PCDH1: variants seen among roughly 807,000 people sequenced by gnomAD.
The protein encoded by PCDH1 is protocadherin 1.
PCDH1 carries 23 observed loss-of-function variants against 74.6 expected under a neutral mutation model. That is an observed-to-expected ratio of 0.31 (90% CI 0.22 to 0.44). The LOEUF is 0.44. Among genes scored for constraint, PCDH1 ranks in the 20% least tolerant of loss-of-function variants. The pLI, the probability that PCDH1 is intolerant of heterozygous loss-of-function variation, is 1.00. For missense variants in PCDH1, 1,214 were observed against 1,641.4 expected, an observed-to-expected ratio of 0.74 and a Z score of 4.50; for synonymous variants, 647 against 686.1, an observed-to-expected ratio of 0.94 and a Z score of 0.89.
chr5:141,868,609 T>C lies in PCDH1; in HGVS notation c.863A>G (p.Glu288Gly), dbSNP rs751869800. 4.2e-5 allele frequency: 66 copies of C among 1,577,088 alleles called. No individual in the cohort carries two copies. Among genetic ancestry groups the C allele is most frequent in the Non-Finnish European group, 5.5e-5 (64 of 1,161,208 alleles). Residue 288 changes from glutamate (E) to glycine (G), a missense_variant, in exon 2 of 5, where the codon GAA becomes GGA. By Grantham distance (98) the Glu-to-Gly change is moderately conservative (BLOSUM62 -2). This residue lies in a region of PCDH1 where 836 missense variants were observed against 1,182.2 expected (regional missense o/e 0.71). Coordinates refer to ENST00000287008, the MANE Select transcript of PCDH1 (RefSeq NM_032420.5). This position sits in a 1 kb window ranked among gnomAD's most constrained non-coding sequence, Gnocchi z 4.8. ...PKFERPSYEA[E>G]LSENSPIGHS... ...GCCTATGGGGCTATTCTCAGATAGT[T>C]CGGCCTCATAGGAGGGCCGCTCAAA...
rs116300341 is a variant in PCDH1, at chr5:141,866,127, G to T, written c.904-700C>A. ...TTTCTTTTGAAAGAAGTCAGGTAGG[G>T]TTGTGGGTCAGAGAAGCCCTCCAGG... On this transcript the variant is annotated intron_variant, in intron 2 of 4. Transcript: ENST00000287008. 2,207 of 985,526 alleles carry T rather than the reference G, an allele frequency of 2.2e-3. 43 individuals carry two copies. The African/African-American group carries it at 0.036, about 16-fold the overall frequency. The allele number at this position is 985,526 out of a possible 1,614,324, so 61.0% of individuals were successfully genotyped here.
intron 4 of PCDH1, among the ~76,000 whole-genome samples, chr5:141,855,891 A>G (rs1005993804): frequency 3.9e-5 from 6 of 152,022 alleles, no homozygotes; most frequent in Non-Finnish European, 7.4e-5. Context: ...CGGCTGGGCC[A>G]TGAGTACTTC....
intron 3 of PCDH1, among the ~76,000 whole-genome samples, chr5:141,861,850 G>A (rs1433532876): frequency 6.6e-6 from 1 of 152,032 alleles, no homozygotes; most frequent in Non-Finnish European, 1.5e-5. Context: ...AGAGCAAGAA[G>A]TGAGAGATGG....
In PCDH1 at chr5:141,863,173, G is replaced by A. The variant is rs760492715; in HGVS notation, c.3099+59C>T. ...TCACTCCCACACCTCGGTCCAGATG[G>A]CTCCGTGGTAGGGGTGGGGTAGGGG... On this transcript the variant is annotated intron_variant, in intron 3 of 4. Transcript: ENST00000287008. The surrounding 1 kb of genome is among the most constrained non-coding windows in gnomAD (Gnocchi z 7.5). 18 of 1,510,536 alleles carry A rather than the reference G, an allele frequency of 1.2e-5. No individual in the cohort carries two copies. The African/African-American group carries it at 2.1e-4, about 17-fold the overall frequency. 93.6% of individuals were successfully genotyped at this position (1,510,536 alleles called of 1,614,324 possible).
At chr5:141,856,135 C>T in intron 4 of PCDH1, 1 of 1,295,484 alleles carries the variant, frequency 7.7e-7, no homozygotes, top group Non-Finnish European at 1.1e-6. Flanking sequence ...CGCAACATGG[C>T]TCAGAGCAGA....
Position 141,854,395 on chromosome 5 carries a change from T to G in PCDH1, c.3361A>C (p.Thr1121Pro). 6.2e-7 allele frequency: 1 copy of G among 1,612,880 alleles called. No individual in the cohort carries two copies. The highest frequency in any genetic ancestry group is 1.1e-5 in the South Asian group (1 of 91,014). Reference protein sequence around the residue: ...LPDVAMTGTCTRECSEFGHSD... With the variant: ...LPDVAMTGTCPRECSEFGHSD... ...TGGCCAAACTCACTGCACTCCCGGG[T>G]ACATGTGCCTGTCATGGCGACATCA... The change falls in exon 5 of 5, where the codon ACC (threonine) becomes CCC (proline). Residue 1121 changes from threonine (T) to proline (P), a missense_variant. This residue lies in a region of PCDH1 where 194 missense variants were observed against 198.3 expected (regional missense o/e 0.98). Coordinates refer to ENST00000287008, the MANE Select transcript of PCDH1 (RefSeq NM_032420.5).
rs1752550093 is a variant in PCDH1 at position 141,861,172 on chromosome 5, TG to T, written c.3099+2059del. Among the ~76,000 whole-genome samples the T allele has an allele frequency of 2.0e-5, 3 of 149,406 alleles. No individual in the cohort carries two copies. In the South Asian group the frequency reaches 6.4e-4, roughly 32 times the overall value. On this transcript the variant is annotated intron_variant, in intron 3 of 4. Coordinates refer to ENST00000287008, the MANE Select transcript of PCDH1 (RefSeq NM_032420.5). Reference sequence around the variant, plus strand: ...AGCAGTAGCAGTAGAAGTAGTTTCATGGAATAAGTTGGGAAAAGCTTTAGTA... The same window carrying T: ...AGCAGTAGCAGTAGAAGTAGTTTCATGAATAAGTTGGGAAAAGCTTTAGTA...
In PCDH1 at chr5:141,868,437, T is replaced by C. The variant is rs974223257; in HGVS notation, c.903+132A>G. 25 of 1,430,328 alleles carry C rather than the reference T, an allele frequency of 1.7e-5. No homozygotes were observed. Among genetic ancestry groups the C allele is most frequent in the Middle Eastern group, 2.4e-4 (1 of 4,168 alleles). The allele number at this position is 1,430,328 out of a possible 1,614,324, so 88.6% of individuals were successfully genotyped here. A position where few individuals can be genotyped will look rare whatever the true frequency, so the allele number is the denominator to read the frequency against. ...GTGGGAAAGACTCCCCTGGCTGAGT[T>C]TGGGGAGAAGGGGTCTCACTACAGT... is the stretch of plus-strand genomic sequence containing the variant. On this transcript the variant is annotated intron_variant, in intron 2 of 4. Transcript: ENST00000287008. The surrounding 1 kb of genome is among the most constrained non-coding windows in gnomAD (Gnocchi z 4.8).
Position 141,877,396 on chromosome 5 carries a change from G to T in PCDH1, c.40+827C>A, listed in dbSNP as rs1000416037. Among the ~76,000 whole-genome samples, 3 of 152,174 alleles carry T rather than the reference G, an allele frequency of 2.0e-5. No individual in the cohort carries two copies. In the South Asian group the frequency reaches 6.2e-4, roughly 31 times the overall value. ...AGAGGGGTGCAAGGAGACCTGTGCT[G>T]TGTACCTATGTTCTGGCCAAGAAGT... On this transcript the variant is annotated intron_variant, in intron 1 of 4. Coordinates refer to ENST00000287008, the MANE Select transcript of PCDH1 (RefSeq NM_032420.5).
In PCDH1 at chr5:141,854,233, G is replaced by A. The variant is rs779910631; in HGVS notation, c.3523C>T (p.Pro1175Ser). Residue 1175 changes from proline (P) to serine (S), a missense_variant, in exon 5 of 5, where the codon CCG (proline) becomes TCG (serine). Pro to Ser is a moderately conservative substitution (Grantham distance 74). Around this residue, in one of 4 missense-constraint regions of PCDH1, gnomAD observed 194 missense variants for 198.3 expected, o/e 0.98. Transcript: ENST00000287008. Reference protein sequence around the residue: ...EPAGAGSPSPPEDRNTKTAPV... With the variant: ...EPAGAGSPSPSEDRNTKTAPV... ...GCCGTTTTGGTGTTCCGGTCTTCCGGGGGGCTGGGGCTGCCGGCGCCCGCA... is the reference window on the plus strand; with the variant it reads ...GCCGTTTTGGTGTTCCGGTCTTCCGAGGGGCTGGGGCTGCCGGCGCCCGCA... 2.2e-5 allele frequency: 35 copies of A among 1,611,732 alleles called. No individual in the cohort carries two copies. Among genetic ancestry groups the A allele is most frequent in the Middle Eastern group, 1.6e-4 (1 of 6,066 alleles).
chr5:141,869,435 C>G lies in PCDH1; in HGVS notation c.41-4G>C. On this transcript the variant is annotated splice_region_variant and splice_polypyrimidine_tract_variant and intron_variant, in intron 1 of 4. Coordinates refer to ENST00000287008, the MANE Select transcript of PCDH1 (RefSeq NM_032420.5). The surrounding 1 kb of genome is among the most constrained non-coding windows in gnomAD (Gnocchi z 4.9). ...GGAGGCCCCAGAATCAGGAGGGCTGCAAGGGGAAGAGGCAAAACAGAGGCC... is the reference window on the plus strand; with the variant it reads ...GGAGGCCCCAGAATCAGGAGGGCTGGAAGGGGAAGAGGCAAAACAGAGGCC... The G allele has an allele frequency of 6.3e-7, 1 of 1,596,220 alleles. No homozygotes were observed. Among genetic ancestry groups the G allele is most frequent in the South Asian group, 1.1e-5 (1 of 89,756 alleles).
chr5:141,859,512 C>T (rs373127709), intron 3 of PCDH1, among the ~76,000 whole-genome samples: 23 of 152,284 alleles, frequency 1.5e-4, no homozygotes, highest in African/African-American at 4.1e-4. Context: ...CCTACTGGCC[C>T]TTAAGATTCA....
At chr5:141,860,610 C>T (rs1243331821) in intron 3 of PCDH1, among the ~76,000 whole-genome samples, 1 of 151,908 alleles carries the variant, frequency 6.6e-6, no homozygotes, top group Non-Finnish European at 1.5e-5. Context: ...ACTACCAAAA[C>T]TAACTTCACC....
intron 1 of PCDH1, among the ~76,000 whole-genome samples, chr5:141,870,509 G>T (rs1272650961): frequency 6.6e-6 from 1 of 152,116 alleles, no homozygotes; most frequent in Non-Finnish European, 1.5e-5. Context: ...CGATGATAAT[G>T]ACACCAGCAG....
At position 141,863,313 on chromosome 5, in the gene PCDH1, G is replaced by A. The variant is rs774793584; in HGVS notation, c.3018C>T (p.Thr1006=). ...CAGAGCCCGTGGACGTGGTGTCCCCGGTGCCCACGAATGTGTTTGCAGGTG... is the reference window on the plus strand; with the variant it reads ...CAGAGCCCGTGGACGTGGTGTCCCCAGTGCCCACGAATGTGTTTGCAGGTG... The part of the protein sequence containing the change: ...DLPPANTFVG[T]GDTTSTGSEQ... The change falls in exon 3 of 5, where the codon ACC becomes ACT. Residue 1006 remains threonine (T), a synonymous_variant. Coordinates refer to ENST00000287008, the MANE Select transcript of PCDH1 (RefSeq NM_032420.5). The surrounding 1 kb of genome is among the most constrained non-coding windows in gnomAD (Gnocchi z 7.5). The A allele has an allele frequency of 1.3e-5, 21 of 1,556,662 alleles. No homozygotes were observed. Among genetic ancestry groups the A allele is most frequent in the South Asian group, 2.5e-5 (2 of 81,566 alleles).
Position 141,878,292 on chromosome 5 carries a change from G to A in PCDH1, c.-30C>T. 8.1e-7 allele frequency: 1 copy of A among 1,237,320 alleles called. No individual in the cohort carries two copies. The highest frequency in any genetic ancestry group is 3.0e-5 in the South Asian group (1 of 32,878). The allele number at this position is 1,237,320 out of a possible 1,614,324, so 76.6% of individuals were successfully genotyped here. A position where few individuals can be genotyped will look rare whatever the true frequency, so the allele number is the denominator to read the frequency against. On this transcript the variant is annotated 5_prime_UTR_variant, in exon 1 of 5. Coordinates refer to ENST00000287008, the MANE Select transcript of PCDH1 (RefSeq NM_032420.5). The surrounding 1 kb of genome is among the most constrained non-coding windows in gnomAD (Gnocchi z 5.5). ...CGCCGCCGGCCCCGGCCTGGGCTGC[G>A]GCTCCGCACGGCTGGGGCTGGAGCT...
At chr5:141,857,783 G>C (rs12523337) in intron 3 of PCDH1, among the ~76,000 whole-genome samples, 2 of 152,156 alleles carry the variant, frequency 1.3e-5, no homozygotes, top group Non-Finnish European at 2.9e-5. Flanking sequence ...GCTTGTTATA[G>C]CACAACCCTT....
rs770740033 is a variant in PCDH1, at chr5:141,869,109, A to G, written c.363T>C (p.Arg121=). ...CACCAGGGAGCTGGTTCTGGCATTC[A>G]CGGAGCCCCTCACGGTCGATGGAGG... The part of the protein sequence containing the change: ...TETSIDREGL[R]ECQNQLPGDP... The change falls in exon 2 of 5, where the codon CGT becomes CGC. Residue 121 remains arginine (R), a synonymous_variant. Coordinates refer to ENST00000287008, the MANE Select transcript of PCDH1 (RefSeq NM_032420.5). This position sits in a 1 kb window ranked among gnomAD's most constrained non-coding sequence, Gnocchi z 4.9. 1.2e-6 allele frequency: 2 copies of G among 1,613,164 alleles called. No homozygotes were observed. Among genetic ancestry groups the G allele is most frequent in the South Asian group, 2.2e-5 (2 of 91,062 alleles).
In PCDH1 at chr5:141,865,106, C is replaced by T; in HGVS notation, c.1225G>A (p.Ala409Thr). 6.2e-7 allele frequency: 1 copy of T among 1,614,214 alleles called. No homozygotes were observed. The highest frequency in any genetic ancestry group is 8.5e-7 in the Non-Finnish European group (1 of 1,180,036). ...ACCAGGGCCACAGCTGTCTCCTCTG[C>T]CACATCCTCTGAGATGTTAGCCATC... is the stretch of plus-strand genomic sequence containing the variant. ...DGMANISEDV[A>T]EETAVALVQV... Residue 409 changes from alanine (A) to threonine (T), a missense_variant, in exon 3 of 5, where the codon GCA becomes ACA. Transcript: ENST00000287008. This position sits in a 1 kb window ranked among gnomAD's most constrained non-coding sequence, Gnocchi z 4.4.
Sources: gnomAD v4.1 joint callset for allele counts (sites outside exome capture counted in the v4.1 genomes callset) on GRCh38, gnomAD v4.1.1 for gene constraint, gnomAD v4.1.1 regional missense constraint, Gnocchi (gnomAD v3.1) non-coding constraint, MANE v1.5 for transcripts, NCBI Gene and HGNC (gene_info 2026-07-23, HGNC 2026-07-21) for gene names.